The following LHFPL3 variants were observed in gnomAD, a reference collection of about 807,000 sequenced individuals.
The protein encoded by LHFPL3 is LHFPL tetraspan subfamily member 3.
In LHFPL3, 5 loss-of-function variants were observed where a neutral mutation model predicts 19.3. The observed-to-expected ratio is 0.26, with a 90% CI of 0.14 to 0.54. LHFPL3 has a LOEUF of 0.54. Ranked by LOEUF, LHFPL3 falls within the 20% of genes least tolerant of loss-of-function variation. The pLI is 0.94. For synonymous variants in LHFPL3, 133 were observed against 126.2 expected, an observed-to-expected ratio of 1.05 and a Z score of -0.36; for missense variants, 249 against 307.4, an observed-to-expected ratio of 0.81 and a Z score of 1.42.
intron 1 of LHFPL3, among the ~76,000 whole-genome samples, chr7:104,356,081 A>C (rs976087103): frequency 2.6e-5 from 4 of 152,248 alleles, no homozygotes; most frequent in Non-Finnish European, 4.4e-5. Context: ...CAGTGAAATG[A>C]TTGTATTAGG....
intron 2 of LHFPL3, among the ~76,000 whole-genome samples, chr7:104,762,852 CT>C (rs2116375864): frequency 6.6e-6 from 1 of 152,314 alleles, no homozygotes; most frequent in South Asian, 2.1e-4. Context: ...AAATTCTATG[CT>C]CTTTCCAAGA....
intron 1 of LHFPL3, among the ~76,000 whole-genome samples, chr7:104,475,725 C>T (rs1327484569): frequency 1.3e-5 from 2 of 152,074 alleles, no homozygotes; most frequent in Non-Finnish European, 2.9e-5. Flanking sequence ...ATAAAGAAAA[C>T]CATTTAACTT....
chr7:104,789,139 G>A (rs1349995049), intron 2 of LHFPL3, among the ~76,000 whole-genome samples: 5 of 152,224 alleles, frequency 3.3e-5, no homozygotes, highest in African/African-American at 9.6e-5. Flanking sequence ...ATTGAGAGAA[G>A]TGTGGAATTC....
At chr7:104,566,596 C>A (rs528361908) in intron 1 of LHFPL3, among the ~76,000 whole-genome samples, 13 of 152,236 alleles carry the variant, frequency 8.5e-5, no homozygotes, top group African/African-American at 3.1e-4. Flanking sequence ...AAGCCCGTAC[C>A]ATGAGTCTGA....
rs146896794 is a variant in LHFPL3, at chr7:104,460,902, C to T, written c.445+131678C>T. On this transcript the variant is annotated intron_variant, in intron 1 of 2. Coordinates refer to ENST00000424859, the MANE Select transcript of LHFPL3 (RefSeq NM_199000.3). ...TTGTGATTGCTTCTGGCATCTTTAT[C>T]GTGAAATCTTTGCCCATCCAGAATG... Among the ~76,000 whole-genome samples the T allele has an allele frequency of 5.3e-5, 8 of 152,252 alleles. No homozygotes were observed. The East Asian group carries it at 5.8e-4, about 11-fold the overall frequency.
intron 2 of LHFPL3, among the ~76,000 whole-genome samples, chr7:104,755,771 C>T (rs576108594): frequency 6.6e-6 from 1 of 152,210 alleles, no homozygotes; most frequent in Admixed American, 6.5e-5. Flanking sequence ...TCTTGGCTCA[C>T]CACAACCTCT....
At chr7:104,868,825 G>A (rs1034029344) in intron 2 of LHFPL3, among the ~76,000 whole-genome samples, 48 of 151,986 alleles carry the variant, frequency 3.2e-4, no homozygotes, top group Non-Finnish European at 5.4e-4. Flanking sequence ...ACTTCAAACT[G>A]TACTACAAGG....
intron 1 of LHFPL3, among the ~76,000 whole-genome samples, chr7:104,665,454 G>T (rs1339876481): frequency 2.0e-5 from 3 of 152,152 alleles, no homozygotes; most frequent in East Asian, 3.9e-4. Context: ...CCATATTCAG[G>T]CTTTTTTAAC....
chr7:104,718,228 T>C (rs183397809), intron 1 of LHFPL3, among the ~76,000 whole-genome samples: 9 of 152,300 alleles, frequency 5.9e-5, no homozygotes, highest in Non-Finnish European at 1.0e-4. Flanking sequence ...CGTAGAACAT[T>C]GTGCTTATAG....
intron 1 of LHFPL3, among the ~76,000 whole-genome samples, chr7:104,331,084 A>G (rs1801559032): frequency 6.6e-6 from 1 of 152,224 alleles, no homozygotes; most frequent in Non-Finnish European, 1.5e-5. Context: ...CGCTTTTTGA[A>G]AGACAAAAAG....
intron 2 of LHFPL3, among the ~76,000 whole-genome samples, chr7:104,898,857 C>T (rs1390874394): frequency 6.6e-6 from 1 of 152,024 alleles, no homozygotes; most frequent in African/African-American, 2.4e-5. Flanking sequence ...TGGCTCATGC[C>T]TATAATCTCA....
intron 1 of LHFPL3, among the ~76,000 whole-genome samples, chr7:104,626,677 T>C (rs1791551406): frequency 6.6e-6 from 1 of 152,190 alleles, no homozygotes; most frequent in African/African-American, 2.4e-5. Context: ...TGGGTTGTTA[T>C]GGTGATAGAA....
chr7:104,670,565 C>T (rs1458813990), intron 1 of LHFPL3, among the ~76,000 whole-genome samples: 1 of 152,210 alleles, frequency 6.6e-6, no homozygotes, highest in Non-Finnish European at 1.5e-5. Flanking sequence ...CATTTTCTCT[C>T]TCAGCCATGG....
chr7:104,330,291 TATGG>T (rs1299239957), intron 1 of LHFPL3, among the ~76,000 whole-genome samples: 1 of 152,248 alleles, frequency 6.6e-6, no homozygotes, highest in Non-Finnish European at 1.5e-5. Flanking sequence ...CTTTTGATTT[TATGG>T]ATGGTCTGGT....
chr7:104,481,249 G>A lies in LHFPL3; in HGVS notation c.445+152025G>A, dbSNP rs558481579. 5.9e-5 allele frequency among the ~76,000 whole-genome samples: 9 copies of A among 152,086 alleles called. No individual in the cohort carries two copies. The East Asian group carries it at 7.7e-4, about 13-fold the overall frequency. ...CCTGAATGAGTTCTTCTCTGCCTCC[G>A]GTCTCACTCCCGAAAACCCATCTAC... On this transcript the variant is annotated intron_variant, in intron 1 of 2. Transcript: ENST00000424859.
At chr7:104,770,861 C>G (rs1043730362) in intron 2 of LHFPL3, among the ~76,000 whole-genome samples, 11 of 152,078 alleles carry the variant, frequency 7.2e-5, no homozygotes, top group African/African-American at 2.7e-4. Flanking sequence ...CTTGATGATC[C>G]CTCCTCACCC....
intron 1 of LHFPL3, among the ~76,000 whole-genome samples, chr7:104,559,993 C>T (rs372331177): frequency 9.8e-4 from 147 of 149,602 alleles, no homozygotes; most frequent in East Asian, 9.3e-3. Context: ...TATTGATTTG[C>T]GTATATTGAA....
chr7:104,589,841 G>A (rs191906973), intron 1 of LHFPL3, among the ~76,000 whole-genome samples: 1 of 152,312 alleles, frequency 6.6e-6, no homozygotes, highest in East Asian at 1.9e-4. Flanking sequence ...TTAATCTTGG[G>A]AGGGTGTATG....
intron 1 of LHFPL3, among the ~76,000 whole-genome samples, chr7:104,584,096 G>A (rs1279063959): frequency 6.6e-6 from 1 of 151,944 alleles, no homozygotes; most frequent in African/African-American, 2.4e-5. Flanking sequence ...AAGAAAATGT[G>A]GCACATATAC....
Sources: allele counts gnomAD v4.1 joint callset (sites outside exome capture counted in the v4.1 genomes callset), GRCh38; gene constraint gnomAD v4.1.1; transcripts MANE v1.5; gene names NCBI Gene and HGNC (gene_info 2026-07-23, HGNC 2026-07-21).